PCCA: variants seen among roughly 807,000 people sequenced by gnomAD.
PCCA encodes the protein propionyl-CoA carboxylase alpha chain, mitochondrial.
A neutral mutation model predicts 101.3 loss-of-function variants in PCCA; 74 were observed. The observed-to-expected ratio is 0.73, with a 90% confidence interval of 0.61 to 0.89. PCCA has a LOEUF of 0.89. Ranked by LOEUF, PCCA falls within the 40% of genes least tolerant of loss-of-function variation. PCCA has a pLI of 0.00. For synonymous variants in PCCA, 294 were observed against 313.6 expected, an observed-to-expected ratio of 0.94 and a Z score of 0.66; for missense variants, 891 against 907.0, an observed-to-expected ratio of 0.98 and a Z score of 0.23.
chr13:100,506,402 G>T (rs1366328956), intron 21 of PCCA, among the ~76,000 whole-genome samples: 1 of 151,828 alleles, frequency 6.6e-6, no homozygotes, highest in African/African-American at 2.4e-5. Flanking sequence ...GGGGCGGCGG[G>T]GGTTTCAGTT....
At chr13:100,241,543 T>C (rs992063489) in intron 8 of PCCA, among the ~76,000 whole-genome samples, 1 of 152,206 alleles carries the variant, frequency 6.6e-6, no homozygotes, top group Non-Finnish European at 1.5e-5. Context: ...TGATCCCAGC[T>C]CACTGCAGCT....
At chr13:100,289,040 T>C (rs1398301012) in intron 12 of PCCA, among the ~76,000 whole-genome samples, 1 of 152,160 alleles carries the variant, frequency 6.6e-6, no homozygotes, top group Non-Finnish European at 1.5e-5. Flanking sequence ...ATTCACATCA[T>C]ACTGAAGTAT....
At chr13:100,268,381 C>T (rs1182640312) in intron 10 of PCCA, among the ~76,000 whole-genome samples, 1 of 152,154 alleles carries the variant, frequency 6.6e-6, no homozygotes, top group East Asian at 1.9e-4. Context: ...GTGTTTATCC[C>T]CTTCACTAAC....
At chr13:100,367,330 G>A (rs916909438) in intron 18 of PCCA, among the ~76,000 whole-genome samples, 1 of 151,962 alleles carries the variant, frequency 6.6e-6, no homozygotes, top group Non-Finnish European at 1.5e-5. Context: ...GTCCTTTCTG[G>A]GGGGTTTTAG....
At chr13:100,311,524 C>T (rs574972811) in intron 16 of PCCA, among the ~76,000 whole-genome samples, 2 of 151,852 alleles carry the variant, frequency 1.3e-5, no homozygotes, top group South Asian at 4.2e-4. Context: ...AATCCCAGCA[C>T]TTTGGGAGGC....
chr13:100,430,290 A>C (rs976648525), intron 20 of PCCA, among the ~76,000 whole-genome samples: 3 of 151,556 alleles, frequency 2.0e-5, no homozygotes, highest in Non-Finnish European at 4.4e-5. Context: ...CAAACAAAAA[A>C]CCAAAACATT....
At chr13:100,420,840 A>G (rs1400283399) in intron 19 of PCCA, among the ~76,000 whole-genome samples, 1 of 152,222 alleles carries the variant, frequency 6.6e-6, no homozygotes, top group Non-Finnish European at 1.5e-5. Flanking sequence ...TTGTGTGCCT[A>G]CTAGTGAAAG....
At chr13:100,261,852 C>T (rs1201847039) in intron 9 of PCCA, among the ~76,000 whole-genome samples, 1 of 151,966 alleles carries the variant, frequency 6.6e-6, no homozygotes, top group African/African-American at 2.4e-5. Context: ...AACTGCATTT[C>T]AAGATGTGGA....
chr13:100,497,026 G>A (rs79069167), intron 21 of PCCA, among the ~76,000 whole-genome samples: 37 of 152,306 alleles, frequency 2.4e-4, no homozygotes, highest in Middle Eastern at 6.8e-3. Context: ...CGGGAGGCTG[G>A]AAGCAAAGGC....
In PCCA at chr13:100,332,354, C is replaced by CTTTTAATTAAAA. The variant is rs556158452; in HGVS notation, c.1540+1683_1540+1684insTTTTAATTAAAA. 9.9e-4 allele frequency among the ~76,000 whole-genome samples: 150 copies of CTTTTAATTAAAA among 152,206 alleles called. 4 individuals carry two copies. In the South Asian group the frequency reaches 0.028, roughly 29 times the overall value. Reference sequence around the variant, plus strand: ...AAAATTTTAATTAAAAGTTGTAGTACGTTTTGAAGTGGACTTAGGACTTCC... The same window carrying CTTTTAATTAAAA: ...AAAATTTTAATTAAAAGTTGTAGTACTTTTAATTAAAAGTTTTGAAGTGGACTTAGGACTTCC... On this transcript the variant is annotated intron_variant, in intron 17 of 23. Coordinates refer to ENST00000376285, the MANE Select transcript of PCCA (RefSeq NM_000282.4).
chr13:100,491,579 C>A, intron 21 of PCCA: 2 of 907,404 alleles, frequency 2.2e-6, no homozygotes, highest in South Asian at 1.4e-5. Context: ...AAAATGTTGC[C>A]CTTGGGATAG....
At chr13:100,240,372 T>G (rs1566776268) in intron 8 of PCCA, among the ~76,000 whole-genome samples, 1 of 151,058 alleles carries the variant, frequency 6.6e-6, no homozygotes, top group Non-Finnish European at 1.5e-5. Flanking sequence ...AGGATAAGTT[T>G]TTTTTTTTTT....
chr13:100,512,532 G>A (rs1396965113), intron 21 of PCCA, among the ~76,000 whole-genome samples: 9 of 152,138 alleles, frequency 5.9e-5, no homozygotes, highest in East Asian at 3.9e-4. Flanking sequence ...CTAAGCCAGC[G>A]GAGTGAAGTT....
intron 19 of PCCA, among the ~76,000 whole-genome samples, chr13:100,401,562 T>A (rs1012463558): frequency 6.6e-6 from 1 of 152,098 alleles, no homozygotes; most frequent in African/African-American, 2.4e-5. Flanking sequence ...TTGTGTTTTT[T>A]TTATTTTTTT....
chr13:100,485,546 C>A (rs976456128), intron 21 of PCCA, among the ~76,000 whole-genome samples: 3 of 152,224 alleles, frequency 2.0e-5, no homozygotes, highest in African/African-American at 4.8e-5. Flanking sequence ...TTTGAACTGG[C>A]AACCCCAACT....
At chr13:100,192,305 C>G (rs916685241) in intron 6 of PCCA, among the ~76,000 whole-genome samples, 1 of 152,158 alleles carries the variant, frequency 6.6e-6, no homozygotes, top group African/African-American at 2.4e-5. Flanking sequence ...TATATTTTCT[C>G]TTCTAGTTAG....
chr13:100,157,258 T>C (rs771616270), intron 5 of PCCA, 29 bp from the exon 6 acceptor site: 2 of 1,551,746 alleles, frequency 1.3e-6, no homozygotes, highest in Non-Finnish European at 1.8e-6. Context: ...ATGATAAAAT[T>C]GAAAGTGCTT....
At chr13:100,351,143 T>C (rs1243101243) in intron 18 of PCCA, among the ~76,000 whole-genome samples, 1 of 152,192 alleles carries the variant, frequency 6.6e-6, no homozygotes, top group East Asian at 1.9e-4. Context: ...TGAAACTAAA[T>C]CAACACCATC....
chr13:100,296,634 A>G (rs889160960), intron 12 of PCCA, among the ~76,000 whole-genome samples: 3 of 152,236 alleles, frequency 2.0e-5, no homozygotes, highest in African/African-American at 7.2e-5. Flanking sequence ...TTCTGAATAC[A>G]CTTCACTCAT....
Sources: allele counts gnomAD v4.1 joint callset (sites outside exome capture counted in the v4.1 genomes callset), GRCh38; gene constraint gnomAD v4.1.1; transcripts MANE v1.5; gene names NCBI Gene and HGNC (gene_info 2026-07-23, HGNC 2026-07-21).